RPS6KC1: variants seen among roughly 807,000 people sequenced by gnomAD.
The protein encoded by RPS6KC1 is inactive ribosomal protein S6 kinase delta-1.
In RPS6KC1, 54 loss-of-function variants were observed where a neutral mutation model predicts 103.8. The observed-to-expected ratio is 0.52, with a 90% CI of 0.42 to 0.65. The LOEUF (loss-of-function observed/expected upper bound fraction) is 0.65, where lower values mean the gene tolerates loss of function less well. Among genes scored for constraint, RPS6KC1 ranks in the 30% least tolerant of loss-of-function variants. The pLI is 0.00. For missense variants in RPS6KC1, 1,151 were observed against 1,253.8 expected (o/e 0.92, Z 1.24); for synonymous variants, 439 against 438.7 (o/e 1.00, Z -0.01).
At chr1:213,753,333 G>T in the RPS6KC1 span, among the ~76,000 whole-genome samples, 1 of 152,164 alleles carries the variant, frequency 6.6e-6, no homozygotes, top group African/African-American at 2.4e-5. Context: ...GGATACAGTG[G>T]GCAGTGGAGT....
At chr1:213,297,016 G>C in the RPS6KC1 span, among the ~76,000 whole-genome samples, 14 of 152,200 alleles carry the variant, frequency 9.2e-5, no homozygotes, top group East Asian at 2.5e-3. Context: ...CTTTCTTCCC[G>C]ATGCACCATC....
At chr1:213,513,020 G>A in the RPS6KC1 span, among the ~76,000 whole-genome samples, 4 of 152,300 alleles carry the variant, frequency 2.6e-5, no homozygotes, top group East Asian at 7.7e-4. Flanking sequence ...AATACGTTAT[G>A]TTACATGGCA....
At chr1:213,254,366 A>G (rs1558639971) in intron 12 of RPS6KC1, among the ~76,000 whole-genome samples, 3 of 152,136 alleles carry the variant, frequency 2.0e-5, no homozygotes. Context: ...AGATTTAGTG[A>G]CCCTGATTCA....
chr1:213,718,895 T>A, the RPS6KC1 span, among the ~76,000 whole-genome samples: 1 of 152,212 alleles, frequency 6.6e-6, no homozygotes, highest in Non-Finnish European at 1.5e-5. Context: ...ATTCTCAGGC[T>A]GCTGGTGCGT....
At chr1:213,518,180 T>C in the RPS6KC1 span, among the ~76,000 whole-genome samples, 12 of 152,296 alleles carry the variant, frequency 7.9e-5, no homozygotes, top group South Asian at 8.3e-4. Flanking sequence ...GTCTATGTTG[T>C]CGTCATAATG....
the RPS6KC1 span, among the ~76,000 whole-genome samples, chr1:213,667,723 G>C: frequency 6.6e-6 from 1 of 152,202 alleles, no homozygotes; most frequent in Admixed American, 6.5e-5. Context: ...ACCCACAGTA[G>C]AACTTCTGTC....
chr1:213,403,668 C>T, the RPS6KC1 span, among the ~76,000 whole-genome samples: 8 of 152,154 alleles, frequency 5.3e-5, no homozygotes, highest in African/African-American at 1.2e-4. Context: ...GTGCTCCTCC[C>T]GTTTCTTAAT....
chr1:213,113,344 G>A (rs2083229518), intron 4 of RPS6KC1, among the ~76,000 whole-genome samples: 1 of 151,948 alleles, frequency 6.6e-6, no homozygotes, highest in Admixed American at 6.6e-5. Flanking sequence ...TGTGTTTTTT[G>A]GCTGCATAAA....
the RPS6KC1 span, among the ~76,000 whole-genome samples, chr1:213,443,741 C>T: frequency 1.3e-5 from 2 of 151,898 alleles, no homozygotes; most frequent in Admixed American, 6.6e-5. Flanking sequence ...CATGGCGAAA[C>T]CCCGTCTCTA....
At chr1:213,475,295 G>C in the RPS6KC1 span, among the ~76,000 whole-genome samples, 1 of 152,128 alleles carries the variant, frequency 6.6e-6, no homozygotes, top group Non-Finnish European at 1.5e-5. Flanking sequence ...GTAGTCATCA[G>C]TCTACCTCAG....
the RPS6KC1 span, among the ~76,000 whole-genome samples, chr1:213,783,971 T>G: frequency 6.6e-6 from 1 of 152,188 alleles, no homozygotes; most frequent in Non-Finnish European, 1.5e-5. Flanking sequence ...TTCCTTTTTG[T>G]TGTTAGGACT....
the RPS6KC1 span, among the ~76,000 whole-genome samples, chr1:213,500,200 C>T: frequency 6.6e-6 from 1 of 152,120 alleles, no homozygotes; most frequent in Non-Finnish European, 1.5e-5. Flanking sequence ...ATTCTGTAAG[C>T]TTTTTCCTAT....
At chr1:213,230,456 A>G (rs1057346082) in intron 8 of RPS6KC1, 41 bp from the exon 9 acceptor site, 32 of 1,437,356 alleles carry the variant, frequency 2.2e-5, no homozygotes, top group Non-Finnish European at 2.9e-5. Context: ...TTAATGTTTC[A>G]TTGTATTGTT....
At chr1:213,760,212 A>T in the RPS6KC1 span, among the ~76,000 whole-genome samples, 2 of 152,240 alleles carry the variant, frequency 1.3e-5, no homozygotes. Context: ...TAATATCATT[A>T]TCAAATAAAT....
chr1:213,635,265 C>G, the RPS6KC1 span, among the ~76,000 whole-genome samples: 1 of 152,182 alleles, frequency 6.6e-6, no homozygotes, highest in African/African-American at 2.4e-5. Flanking sequence ...CTCCCTAACT[C>G]ATTTTACGAC....
the RPS6KC1 span, among the ~76,000 whole-genome samples, chr1:213,589,798 A>C: frequency 6.6e-6 from 1 of 152,170 alleles, no homozygotes; most frequent in African/African-American, 2.4e-5. Context: ...AATAACTGTG[A>C]ACTGAAGAAC....
the RPS6KC1 span, among the ~76,000 whole-genome samples, chr1:213,289,695 T>C: frequency 1.3e-5 from 2 of 152,196 alleles, no homozygotes; most frequent in Non-Finnish European, 2.9e-5. Flanking sequence ...CTATCTACTC[T>C]ATGAGGAAAA....
At chr1:213,823,396 T>G in the RPS6KC1 span, among the ~76,000 whole-genome samples, 1 of 152,144 alleles carries the variant, frequency 6.6e-6, no homozygotes, top group African/African-American at 2.4e-5. Context: ...AAAAAGTGTT[T>G]AAGTGAATGA....
At chr1:213,612,778 G>A in the RPS6KC1 span, among the ~76,000 whole-genome samples, 2 of 152,108 alleles carry the variant, frequency 1.3e-5, no homozygotes, top group African/African-American at 2.4e-5. Context: ...TGAGAACTCC[G>A]GGGGCTCCTT....
Sources: gnomAD v4.1 joint callset for allele counts (sites outside exome capture counted in the v4.1 genomes callset) on GRCh38, gnomAD v4.1.1 for gene constraint, MANE v1.5 for transcripts, NCBI Gene and HGNC (gene_info 2026-07-23, HGNC 2026-07-21) for gene names.